FBXL20: variants seen among roughly 807,000 people sequenced by gnomAD.
FBXL20 encodes F-box/LRR-repeat protein 20.
A neutral mutation model predicts 64.0 loss-of-function variants in FBXL20; 11 were observed. The ratio of observed to expected loss-of-function variants is 0.17; its 90% CI spans 0.11 to 0.28. The LOEUF (loss-of-function observed/expected upper bound fraction) is 0.28. Ranked by LOEUF, FBXL20 falls within the 10% of genes least tolerant of loss-of-function variation. FBXL20 has a pLI of 1.00. For synonymous variants in FBXL20, 184 were observed against 189.0 expected, an observed-to-expected ratio of 0.97 and a Z score of 0.22; for missense variants, 303 against 526.2, an observed-to-expected ratio of 0.58 and a Z score of 4.15.
rs1208787577 is a variant in FBXL20, at chr17:39,302,137, A to T, written c.160-1062T>A. Among the ~76,000 whole-genome samples the T allele has an allele frequency of 5.3e-5, 8 of 152,072 alleles. No individual in the cohort carries two copies. The East Asian group carries it at 1.5e-3, about 29-fold the overall frequency. On this transcript the variant is annotated intron_variant, in intron 3 of 14. Transcript: ENST00000264658. ...TGGAAAAATATGAAGGTAAAACCAA[A>T]CATCAAAGGGGACAGTACTCTGAAT... is the stretch of plus-strand genomic sequence containing the variant.
At chr17:39,328,248 CAAAAAAAAAAAAAAAAAA>C (rs141259755) in intron 2 of FBXL20, among the ~76,000 whole-genome samples, 2 of 55,092 alleles carry the variant, frequency 3.6e-5, no homozygotes, top group East Asian at 8.8e-4. Flanking sequence ...AACTCTGCCT[CAAAAAAAAAAAAAAAAAA>C]AAAAAAAAAA....
intron 11 of FBXL20, among the ~76,000 whole-genome samples, chr17:39,269,189 CTTTTCTTTTTT>C (rs999186357): frequency 6.6e-5 from 10 of 151,068 alleles, no homozygotes; most frequent in South Asian, 2.1e-4. Flanking sequence ...TTTTGTATTT[CTTTTCTTTTTT>C]TTTTCTTTTT....
At chr17:39,371,441 T>C (rs921630768) in intron 1 of FBXL20, among the ~76,000 whole-genome samples, 6 of 152,124 alleles carry the variant, frequency 3.9e-5, no homozygotes, top group African/African-American at 1.4e-4. Flanking sequence ...TCTAAGCTTT[T>C]ACTTGGCTGC....
At chr17:39,353,932 T>C (rs557751853) in intron 1 of FBXL20, among the ~76,000 whole-genome samples, 1 of 152,048 alleles carries the variant, frequency 6.6e-6, no homozygotes, top group Non-Finnish European at 1.5e-5. Flanking sequence ...CCTATTTTTA[T>C]CTTAAAAATG....
chr17:39,261,932 C>T (rs1048093636), intron 14 of FBXL20, among the ~76,000 whole-genome samples: 7 of 151,866 alleles, frequency 4.6e-5, no homozygotes, highest in African/African-American at 1.7e-4. Flanking sequence ...AATACAAAGG[C>T]TAATTTTTGT....
At chr17:39,340,448 T>A (rs553205028) in intron 2 of FBXL20, among the ~76,000 whole-genome samples, 46 of 152,310 alleles carry the variant, frequency 3.0e-4, no homozygotes, top group Admixed American at 1.2e-3. Context: ...CAGGCTGGTC[T>A]CCAACTCCTG....
chr17:39,289,538 T>C (rs2047018527), intron 6 of FBXL20, among the ~76,000 whole-genome samples: 2 of 151,986 alleles, frequency 1.3e-5, no homozygotes, highest in East Asian at 3.9e-4. Flanking sequence ...ACACCTGTAG[T>C]CCCAGCTACT....
At chr17:39,327,362 C>G (rs1449323183) in intron 2 of FBXL20, among the ~76,000 whole-genome samples, 2 of 151,934 alleles carry the variant, frequency 1.3e-5, no homozygotes, top group African/African-American at 4.8e-5. Flanking sequence ...GGGTAAATCA[C>G]TTTATGTGCT....
intron 1 of FBXL20, among the ~76,000 whole-genome samples, chr17:39,362,925 C>T (rs1464824155): frequency 2.7e-5 from 4 of 148,966 alleles, no homozygotes; most frequent in African/African-American, 9.9e-5. Flanking sequence ...GCCTAGTAAA[C>T]TTTTCTTAAT....
chr17:39,304,781 T>C (rs2047167108), intron 2 of FBXL20, among the ~76,000 whole-genome samples: 1 of 152,054 alleles, frequency 6.6e-6, no homozygotes, highest in Admixed American at 6.6e-5. Context: ...GTTGTTGTTC[T>C]TTTTGTTTGT....
chr17:39,352,683 A>G (rs929392114), intron 1 of FBXL20, among the ~76,000 whole-genome samples: 35 of 71,378 alleles, frequency 4.9e-4, no homozygotes, highest in African/African-American at 1.7e-3. Context: ...TCTGTCTGGG[A>G]AAAAAAAAAA....
chr17:39,276,100 A>T (rs181163360), intron 9 of FBXL20, among the ~76,000 whole-genome samples: 49 of 151,532 alleles, frequency 3.2e-4, no homozygotes, highest in Middle Eastern at 6.8e-3. Context: ...TACAAAAATT[A>T]GCCAAGTATT....
At chr17:39,346,297 C>T (rs1276905750) in intron 1 of FBXL20, among the ~76,000 whole-genome samples, 1 of 151,906 alleles carries the variant, frequency 6.6e-6, no homozygotes, top group Non-Finnish European at 1.5e-5. Flanking sequence ...AGCATGTTCA[C>T]ACCACTGCAC....
chr17:39,319,051 C>A (rs1354653880), intron 2 of FBXL20, among the ~76,000 whole-genome samples: 3 of 151,888 alleles, frequency 2.0e-5, no homozygotes, highest in Non-Finnish European at 4.4e-5. Flanking sequence ...GAGATTGAGA[C>A]CAGCCTGGCC....
At chr17:39,302,629 T>C (rs1169231196) in intron 3 of FBXL20, among the ~76,000 whole-genome samples, 2 of 152,168 alleles carry the variant, frequency 1.3e-5, no homozygotes, top group Non-Finnish European at 2.9e-5. Flanking sequence ...CGCCTGGGCC[T>C]CCCAAAGTGC....
chr17:39,388,639 A>C (rs1026077165), intron 1 of FBXL20, among the ~76,000 whole-genome samples: 1 of 150,806 alleles, frequency 6.6e-6, no homozygotes, highest in East Asian at 2.0e-4. Context: ...GCCCGCCACC[A>C]TGCCCAGCTA....
chr17:39,336,693 G>A lies in FBXL20; in HGVS notation c.104+6487C>T, dbSNP rs149708691. Among the ~76,000 whole-genome samples, 1,435 of 151,894 alleles carry A rather than the reference G, an allele frequency of 9.4e-3. 20 individuals carry two copies. Among genetic ancestry groups the A allele is most frequent in the African/African-American group, 0.032 (1,343 of 41,418 alleles). ...ACAAAAATTAGCCCAGTGTGGTGGC[G>A]CACGCCTGTAATCCCAGCTACTCAG... On this transcript the variant is annotated intron_variant, in intron 2 of 14. Coordinates refer to ENST00000264658, the MANE Select transcript of FBXL20 (RefSeq NM_032875.3).
chr17:39,371,896 G>A (rs1365437962), intron 1 of FBXL20, among the ~76,000 whole-genome samples: 1 of 152,138 alleles, frequency 6.6e-6, no homozygotes, highest in Non-Finnish European at 1.5e-5. Context: ...AAAGTACTGA[G>A]AGGGAATCTA....
chr17:39,281,452 T>C lies in FBXL20; in HGVS notation c.633A>G (p.Glu211=), dbSNP rs2046949770. ...AGTGTGCACCTATGTACTTGAGAGCTTCATCTTCTAGCTAGAAAGATTAAA... is the reference window on the plus strand; with the variant it reads ...AGTGTGCACCTATGTACTTGAGAGCCTCATCTTCTAGCTAGAAAGATTAAA... ...FLKGCTQLED[E]ALKYIGAHCP... Residue 211 remains glutamate, a synonymous_variant, in exon 9 of 15, where the codon GAA becomes GAG. Transcript: ENST00000264658. 4 of 1,612,894 alleles carry C rather than the reference T, an allele frequency of 2.5e-6. No homozygotes were observed. The highest frequency in any genetic ancestry group is 1.7e-4 in the Middle Eastern group (1 of 6,058).
Sources: gnomAD v4.1 joint callset for allele counts (sites outside exome capture counted in the v4.1 genomes callset) on GRCh38, gnomAD v4.1.1 for gene constraint, MANE v1.5 for transcripts, NCBI Gene and HGNC (gene_info 2026-07-23, HGNC 2026-07-21) for gene names.